The following SLIT3 variants were observed in gnomAD, a reference collection of about 807,000 sequenced individuals.
The protein encoded by SLIT3 is slit homolog 3 protein.
In SLIT3, 68 loss-of-function variants were observed where a neutral mutation model predicts 184.0. The ratio of observed to expected loss-of-function variants is 0.37; its 90% confidence interval spans 0.30 to 0.45. The LOEUF is 0.45. SLIT3 is among the 20% of genes least tolerant of loss of function. The probability of loss-of-function intolerance (pLI) is 1.00; values close to 1 mark genes in which losing one functional copy is unlikely to be tolerated. For synonymous variants in SLIT3, 831 were observed against 828.6 expected (o/e 1.00, Z -0.05); for missense variants, 1,707 against 2,026.0 (o/e 0.84, Z 3.02).
chr5:169,105,731 G>C (rs1337641367), intron 4 of SLIT3, among the ~76,000 whole-genome samples: 3 of 152,192 alleles, frequency 2.0e-5, no homozygotes, highest in Non-Finnish European at 2.9e-5. Flanking sequence ...TCCTGCATTA[G>C]TTTGCTGAGG....
chr5:169,163,953 C>T (rs1762555393), intron 4 of SLIT3, among the ~76,000 whole-genome samples: 1 of 152,130 alleles, frequency 6.6e-6, no homozygotes, highest in South Asian at 2.1e-4. Flanking sequence ...TGAGAATGTC[C>T]ATGGGGCAGA....
At chr5:169,238,542 GCTT>G (rs1765280013) in intron 3 of SLIT3, among the ~76,000 whole-genome samples, 1 of 60,434 alleles carries the variant, frequency 1.7e-5, no homozygotes, top group Non-Finnish European at 3.0e-5. Context: ...CAGTGAAATA[GCTT>G]TTTTTTTTTT....
At chr5:168,916,617 T>C (rs1240203672) in intron 4 of SLIT3, among the ~76,000 whole-genome samples, 1 of 152,188 alleles carries the variant, frequency 6.6e-6, no homozygotes, top group Non-Finnish European at 1.5e-5. Context: ...GCCCAGAGGA[T>C]TATTTCTTTT....
chr5:169,119,037 C>A (rs918218815), intron 4 of SLIT3, among the ~76,000 whole-genome samples: 3 of 152,226 alleles, frequency 2.0e-5, no homozygotes, highest in African/African-American at 7.2e-5. Context: ...CCCACGACCG[C>A]TTAGTCCAGA....
intron 15 of SLIT3, among the ~76,000 whole-genome samples, chr5:168,761,965 C>G (rs1335155954): frequency 7.4e-6 from 1 of 134,434 alleles, no homozygotes; most frequent in East Asian, 2.3e-4. Flanking sequence ...GGAGTGGGGT[C>G]TCACTATGTT....
intron 6 of SLIT3, among the ~76,000 whole-genome samples, chr5:168,825,032 T>C (rs1437293120): frequency 6.6e-6 from 1 of 152,178 alleles, no homozygotes; most frequent in East Asian, 1.9e-4. Context: ...ACTTCCGAAT[T>C]GTGTGGCCTT....
chr5:169,283,573 C>T lies in SLIT3; in HGVS notation c.197+16940G>A, dbSNP rs929978286. Reference sequence around the variant, plus strand: ...TGACATCCCAATAATGAAAGAAAGGCTGCTGCTAGGAAGAAAGAGTGAATG... The same window carrying T: ...TGACATCCCAATAATGAAAGAAAGGTTGCTGCTAGGAAGAAAGAGTGAATG... On this transcript the variant is annotated intron_variant, in intron 1 of 35. Coordinates refer to ENST00000519560, the MANE Select transcript of SLIT3 (RefSeq NM_003062.4). Among the ~76,000 whole-genome samples, 4 of 152,270 alleles carry T rather than the reference C, an allele frequency of 2.6e-5. No homozygotes were observed. In the East Asian group the frequency reaches 7.7e-4, roughly 29 times the overall value.
chr5:169,185,931 G>A (rs1049208481), intron 4 of SLIT3, among the ~76,000 whole-genome samples: 1 of 152,154 alleles, frequency 6.6e-6, no homozygotes, highest in Admixed American at 6.5e-5. Context: ...CTGTGACCTT[G>A]GGCAAGCTGT....
intron 4 of SLIT3, among the ~76,000 whole-genome samples, chr5:169,055,834 G>GA (rs201756362): frequency 0.18 from 24,968 of 141,438 alleles, 2,972 homozygotes; most frequent in East Asian, 0.46. Context: ...TGTCTCGGAG[G>GA]AAAAAAAAAA....
At chr5:169,082,147 G>T (rs910040860) in intron 4 of SLIT3, among the ~76,000 whole-genome samples, 30 of 152,334 alleles carry the variant, frequency 2.0e-4, no homozygotes, top group Admixed American at 9.1e-4. Flanking sequence ...GGACTCCACA[G>T]GCCGTAGACA....
chr5:169,002,069 T>C (rs1326384537), intron 4 of SLIT3, among the ~76,000 whole-genome samples: 1 of 151,800 alleles, frequency 6.6e-6, no homozygotes, highest in Non-Finnish European at 1.5e-5. Flanking sequence ...ATCACAGCAC[T>C]TTGAGAGGCC....
chr5:169,264,262 C>T (rs551877580), intron 1 of SLIT3, among the ~76,000 whole-genome samples: 2 of 152,186 alleles, frequency 1.3e-5, no homozygotes, highest in South Asian at 2.1e-4. Flanking sequence ...GGTGCAATCT[C>T]GGCTCACTGC....
At chr5:168,688,335 G>T (rs569860534) in intron 29 of SLIT3, among the ~76,000 whole-genome samples, 2 of 152,136 alleles carry the variant, frequency 1.3e-5, no homozygotes, top group Non-Finnish European at 2.9e-5. Context: ...GTGAGGGTTG[G>T]GGGGAAGCAA....
At chr5:169,214,761 TCTC>T (rs1347451627) in intron 3 of SLIT3, among the ~76,000 whole-genome samples, 1 of 152,176 alleles carries the variant, frequency 6.6e-6, no homozygotes, top group Non-Finnish European at 1.5e-5. Context: ...GACACTGTCA[TCTC>T]CTTCCATCCC....
rs530267201 is a variant in SLIT3 at position 168,912,732 on chromosome 5, A to G, written c.414-29396T>C. Among the ~76,000 whole-genome samples, 11 of 152,332 alleles carry G rather than the reference A, an allele frequency of 7.2e-5. No homozygotes were observed. The South Asian group carries it at 2.3e-3, about 32-fold the overall frequency. ...ATTTTATGCATTTTATGAAGAAACT[A>G]GGGTTTGCCCATGGTCCCTCCACAA... On this transcript the variant is annotated intron_variant, in intron 4 of 35. Coordinates refer to ENST00000519560, the MANE Select transcript of SLIT3 (RefSeq NM_003062.4).
intron 4 of SLIT3, among the ~76,000 whole-genome samples, chr5:168,990,835 C>T (rs188001081): frequency 9.9e-5 from 15 of 152,280 alleles, no homozygotes; most frequent in Non-Finnish European, 1.9e-4. Flanking sequence ...AAAACAAAAC[C>T]CAATAACATT....
chr5:169,129,388 C>T (rs2113309668), intron 4 of SLIT3, among the ~76,000 whole-genome samples: 1 of 152,212 alleles, frequency 6.6e-6, no homozygotes, highest in South Asian at 2.1e-4. Flanking sequence ...CCTGTCTCTA[C>T]TAAAAATACA....
intron 3 of SLIT3, among the ~76,000 whole-genome samples, chr5:169,213,723 C>G (rs781746557): frequency 2.0e-5 from 3 of 152,202 alleles, no homozygotes; most frequent in Non-Finnish European, 2.9e-5. Context: ...TGGTCTCCCA[C>G]TAGAATATAA....
rs534455708 is a variant in SLIT3 at position 169,185,259 on chromosome 5, A to G, written c.413+8220T>C. Among the ~76,000 whole-genome samples, 5 of 152,294 alleles carry G rather than the reference A, an allele frequency of 3.3e-5. No homozygotes were observed. In the South Asian group the frequency reaches 1.0e-3, roughly 32 times the overall value. Reference sequence around the variant, plus strand: ...TCAGCGTTTGGGGGAACAAGGAGAAAAATCAGGAAATCGGGACTCAGTTTG... The same window carrying G: ...TCAGCGTTTGGGGGAACAAGGAGAAGAATCAGGAAATCGGGACTCAGTTTG... On this transcript the variant is annotated intron_variant, in intron 4 of 35. Coordinates refer to ENST00000519560, the MANE Select transcript of SLIT3 (RefSeq NM_003062.4).
Sources: allele counts gnomAD v4.1 joint callset (sites outside exome capture counted in the v4.1 genomes callset), GRCh38; gene constraint gnomAD v4.1.1; transcripts MANE v1.5; gene names NCBI Gene and HGNC (gene_info 2026-07-23, HGNC 2026-07-21).